Variants in PTPRK observed in about 807,000 individuals in gnomAD.
The protein encoded by PTPRK is protein tyrosine phosphatase receptor type K, also known as receptor-type tyrosine-protein phosphatase kappa.
PTPRK carries 75 observed loss-of-function variants against 178.0 expected under a neutral mutation model. That is an observed-to-expected ratio of 0.42 (90% CI 0.35 to 0.51). The LOEUF is 0.51. PTPRK is among the 20% of genes least tolerant of loss of function. PTPRK has a pLI of 0.02. For missense variants in PTPRK, 1,441 were observed against 1,797.8 expected, an observed-to-expected ratio of 0.80 and a Z score of 3.59; for synonymous variants, 637 against 620.6, an observed-to-expected ratio of 1.03 and a Z score of -0.39.
At chr6:128,433,224 TA>T (rs747464060) in intron 1 of PTPRK, among the ~76,000 whole-genome samples, 1 of 152,170 alleles carries the variant, frequency 6.6e-6, no homozygotes, top group Non-Finnish European at 1.5e-5. Context: ...TATCTAACTG[TA>T]TGTTTGTATC....
intron 1 of PTPRK, among the ~76,000 whole-genome samples, chr6:128,511,517 G>A (rs542880147): frequency 6.6e-6 from 1 of 152,294 alleles, no homozygotes; most frequent in African/African-American, 2.4e-5. Context: ...GGTGGGAGCT[G>A]CCACAGCCAT....
At chr6:128,331,238 CTATT>C (rs539310621) in intron 2 of PTPRK, among the ~76,000 whole-genome samples, 20 of 152,280 alleles carry the variant, frequency 1.3e-4, no homozygotes, top group East Asian at 7.7e-4. Context: ...GGACAACTAT[CTATT>C]TGTGTTTCCT....
At chr6:128,421,309 A>C (rs1204965860) in intron 1 of PTPRK, among the ~76,000 whole-genome samples, 1 of 152,222 alleles carries the variant, frequency 6.6e-6, no homozygotes, top group Non-Finnish European at 1.5e-5. Flanking sequence ...GAAAGATGGG[A>C]GCAAAAAGGG....
chr6:128,153,179 T>G (rs942234229), intron 7 of PTPRK, among the ~76,000 whole-genome samples: 5 of 151,886 alleles, frequency 3.3e-5, no homozygotes, highest in African/African-American at 1.2e-4. Context: ...AAATAACTGA[T>G]GTGTATGATA....
intron 14 of PTPRK, chr6:128,008,042 A>G: frequency 7.4e-7 from 1 of 1,343,282 alleles, no homozygotes; most frequent in Non-Finnish European, 1.0e-6. Context: ...ACTATAATGC[A>G]TACCTAATGT....
chr6:127,995,409 G>T (rs1347892513), intron 18 of PTPRK, 53 bp downstream of exon 18: 3 of 1,479,206 alleles, frequency 2.0e-6, no homozygotes. Context: ...AAGCAAAAAG[G>T]TTCATATATA....
chr6:128,410,866 A>C (rs1842228289), intron 1 of PTPRK, among the ~76,000 whole-genome samples: 1 of 152,114 alleles, frequency 6.6e-6, no homozygotes, highest in Non-Finnish European at 1.5e-5. Flanking sequence ...TCAGTGGCAA[A>C]ACTTCCTTAC....
chr6:128,425,456 C>T (rs888070983), intron 1 of PTPRK, among the ~76,000 whole-genome samples: 3 of 152,108 alleles, frequency 2.0e-5, no homozygotes, highest in Admixed American at 6.5e-5. Flanking sequence ...ATTCTTATGC[C>T]TTTGCATCCT....
intron 7 of PTPRK, among the ~76,000 whole-genome samples, chr6:128,107,434 A>C (rs1252551889): frequency 2.0e-5 from 3 of 152,116 alleles, no homozygotes; most frequent in Non-Finnish European, 4.4e-5. Context: ...ACATATTTTA[A>C]AAATATTTTG....
chr6:128,396,198 C>T (rs1840277269), intron 2 of PTPRK, among the ~76,000 whole-genome samples: 1 of 151,230 alleles, frequency 6.6e-6, no homozygotes, highest in Non-Finnish European at 1.5e-5. Flanking sequence ...TCAAGAAGGA[C>T]TTACTCTTTT....
chr6:128,518,767 T>C (rs1452266490), intron 1 of PTPRK, among the ~76,000 whole-genome samples: 1 of 152,214 alleles, frequency 6.6e-6, no homozygotes, highest in Non-Finnish European at 1.5e-5. Flanking sequence ...TCTGCGTACA[T>C]CAATTATATA....
intron 1 of PTPRK, among the ~76,000 whole-genome samples, chr6:128,417,620 T>C: frequency 6.6e-6 from 1 of 152,216 alleles, no homozygotes; most frequent in East Asian, 1.9e-4. Flanking sequence ...CATTCTGACT[T>C]CACTAACATA....
intron 1 of PTPRK, among the ~76,000 whole-genome samples, chr6:128,417,532 C>T (rs531878487): frequency 5.9e-5 from 9 of 152,282 alleles, no homozygotes; most frequent in African/African-American, 2.2e-4. Context: ...TCAACAGGTA[C>T]AGATCACTTT....
intron 1 of PTPRK, among the ~76,000 whole-genome samples, 169 bp from the exon 2 acceptor site, chr6:128,397,857 T>C (rs1840526330): frequency 6.6e-6 from 1 of 152,220 alleles, no homozygotes; most frequent in African/African-American, 2.4e-5. Context: ...GAAAAATAAA[T>C]GTCTATCAGT....
intron 1 of PTPRK, among the ~76,000 whole-genome samples, chr6:128,492,013 G>T (rs939753013): frequency 6.6e-6 from 1 of 152,024 alleles, no homozygotes; most frequent in Non-Finnish European, 1.5e-5. Context: ...TCACTCCCCT[G>T]CCTATCTGCC....
intron 6 of PTPRK, among the ~76,000 whole-genome samples, chr6:128,205,890 C>T (rs1486813100): frequency 6.7e-6 from 1 of 149,208 alleles, no homozygotes; most frequent in Non-Finnish European, 1.5e-5. Context: ...AAAGATAAGT[C>T]ACATTTCCAG....
intron 2 of PTPRK, among the ~76,000 whole-genome samples, chr6:128,322,667 A>AATATAT (rs10651820): frequency 1.4e-5 from 2 of 143,722 alleles, no homozygotes. Flanking sequence ...CTTTTAATAT[A>AATATAT]ATATATATAT....
intron 2 of PTPRK, among the ~76,000 whole-genome samples, chr6:128,360,550 T>G (rs1223789794): frequency 6.6e-6 from 1 of 152,182 alleles, no homozygotes; most frequent in Non-Finnish European, 1.5e-5. Context: ...AGTATTAACC[T>G]AATAAGTATG....
chr6:128,456,960 GCTCCCAA>G (rs1848471600), intron 1 of PTPRK, among the ~76,000 whole-genome samples: 1 of 151,984 alleles, frequency 6.6e-6, no homozygotes, highest in African/African-American at 2.4e-5. Flanking sequence ...TTCAATAACA[GCTCCCAA>G]CCCACCCCTG....
Sources: gnomAD v4.1 joint callset for allele counts (sites outside exome capture counted in the v4.1 genomes callset) on GRCh38, gnomAD v4.1.1 for gene constraint, MANE v1.5 for transcripts, NCBI Gene and HGNC (gene_info 2026-07-23, HGNC 2026-07-21) for gene names.